PDCD10: variants seen among roughly 807,000 people sequenced by gnomAD.
PDCD10 encodes the protein programmed cell death 10.
Under a neutral mutation model 29.2 loss-of-function variants are expected in PDCD10, and 4 were observed. That is an observed-to-expected ratio of 0.14 (90% CI 0.07 to 0.31). PDCD10 has a LOEUF of 0.31. PDCD10 is among the 10% of genes least tolerant of loss of function. The probability of loss-of-function intolerance (pLI) is 1.00; values close to 1 mark genes in which losing one functional copy is unlikely to be tolerated. For synonymous variants in PDCD10, 70 were observed against 82.2 expected (o/e 0.85, Z 0.80); for missense variants, 183 against 257.9 (o/e 0.71, Z 1.99).
At chr3:167,697,591 AC>A (rs1720943201) in intron 4 of PDCD10, among the ~76,000 whole-genome samples, 1 of 152,184 alleles carries the variant, frequency 6.6e-6, no homozygotes, top group South Asian at 2.1e-4. Context: ...GCCAGGAAAA[AC>A]AAAAAAGGAT....
chr3:167,730,816 A>C (rs772665354), intron 2 of PDCD10: 8 of 152,216 alleles, frequency 5.3e-5, no homozygotes, highest in Non-Finnish European at 4.4e-5. Flanking sequence ...TTAAGTCTCC[A>C]GCTATAAAGC....
At chr3:167,714,748 C>T (rs2108467876) in intron 3 of PDCD10, among the ~76,000 whole-genome samples, 2 of 151,666 alleles carry the variant, frequency 1.3e-5, no homozygotes, top group East Asian at 3.9e-4. Context: ...AACTAAAAGA[C>T]CTTTACAATG....
At chr3:167,717,413 C>T (rs950836302) in intron 3 of PDCD10, among the ~76,000 whole-genome samples, 41 of 151,724 alleles carry the variant, frequency 2.7e-4, no homozygotes, top group African/African-American at 7.9e-4. Context: ...CAGAGTAAAA[C>T]GGTCATCCTT....
At chr3:167,728,320 GC>G (rs1724433575) in intron 2 of PDCD10, among the ~76,000 whole-genome samples, 1 of 152,026 alleles carries the variant, frequency 6.6e-6, no homozygotes, top group Admixed American at 6.6e-5. Flanking sequence ...GGGTGCAGTT[GC>G]TGTCTAGAGG....
chr3:167,732,331 C>G (rs1724904612), intron 2 of PDCD10, among the ~76,000 whole-genome samples: 1 of 152,088 alleles, frequency 6.6e-6, no homozygotes, highest in Non-Finnish European at 1.5e-5. Flanking sequence ...TTAAGAGAAA[C>G]AGACAGATGT....
At position 167,687,826 on chromosome 3, in the gene PDCD10, G is replaced by A. The variant is rs73173064; in HGVS notation, c.396-133C>T. ...CAGTACACTCTTAATTATGTTAAGC[G>A]CAATCACTTCAAGAACAGCCAGCCT... On this transcript the variant is annotated intron_variant, in intron 6 of 8. Coordinates refer to ENST00000392750, the MANE Select transcript of PDCD10 (RefSeq NM_007217.4). 3,237 of 657,836 alleles carry A rather than the reference G, an allele frequency of 4.9e-3. 13 individuals carry two copies. Among genetic ancestry groups the A allele is most frequent in the Non-Finnish European group, 6.8e-3 (2,498 of 365,168 alleles). 40.7% of individuals were successfully genotyped at this position (657,836 alleles called of 1,614,324 possible). A position where few individuals can be genotyped will look rare whatever the true frequency, so the allele number is the denominator to read the frequency against.
At position 167,698,795 on chromosome 3, in the gene PDCD10, A is replaced by G. The variant is rs192983387; in HGVS notation, c.151-1669T>C. On this transcript the variant is annotated intron_variant, in intron 4 of 8. Transcript: ENST00000392750. ...GAAAAAGAAAAGCATATCTCTGATT[A>G]AGTTATAATAAAGTACTGAAAGGTT... is the stretch of plus-strand genomic sequence containing the variant. 1.6e-3 allele frequency among the ~76,000 whole-genome samples: 240 copies of G among 152,312 alleles called. 8 individuals are homozygous for G. The highest frequency in any genetic ancestry group is 1.6e-3 in the Non-Finnish European group (110 of 68,032).
chr3:167,684,134 G>A lies in PDCD10; in HGVS notation c.*174C>T, dbSNP rs886058159. ...TGCAAAATCTTCAGTGTGAGATTATGATTAAGCTACATTTTACAAAAATAT... is the reference window on the plus strand; with the variant it reads ...TGCAAAATCTTCAGTGTGAGATTATAATTAAGCTACATTTTACAAAAATAT... On this transcript the variant is annotated 3_prime_UTR_variant, in exon 9 of 9. Coordinates refer to ENST00000392750, the MANE Select transcript of PDCD10 (RefSeq NM_007217.4). 9.1e-6 allele frequency: 5 copies of A among 552,448 alleles called. No homozygotes were observed. The highest frequency in any genetic ancestry group is 1.3e-5 in the Non-Finnish European group (4 of 304,106). The allele number at this position is 552,448 out of a possible 1,614,324, so 34.2% of individuals were successfully genotyped here.
intron 3 of PDCD10, among the ~76,000 whole-genome samples, chr3:167,719,418 A>G (rs1055304137): frequency 5.9e-5 from 9 of 152,130 alleles, no homozygotes; most frequent in African/African-American, 2.2e-4. Flanking sequence ...AGAAAATTTC[A>G]GTTCCAGAAT....
chr3:167,694,371 C>T, intron 6 of PDCD10: 1 of 190,698 alleles, frequency 5.2e-6, no homozygotes, highest in Non-Finnish European at 1.1e-5. Flanking sequence ...TTCTTTCTCT[C>T]CTGCTTCAGA....
At chr3:167,696,210 T>C (rs1577330735) in intron 5 of PDCD10, among the ~76,000 whole-genome samples, 1 of 152,176 alleles carries the variant, frequency 6.6e-6, no homozygotes. Flanking sequence ...TAAAATCTTC[T>C]ACACATTTTT....
intron 2 of PDCD10, chr3:167,725,263 G>GAAAAAAAAA (rs57762503): frequency 6.6e-5 from 2 of 30,200 alleles, no homozygotes; most frequent in Non-Finnish European, 7.7e-5. Context: ...TCTCAAAAAA[G>GAAAAAAAAA]AAAAAAAAAA....
chr3:167,731,441 T>G (rs1724804642), intron 2 of PDCD10, among the ~76,000 whole-genome samples: 1 of 152,208 alleles, frequency 6.6e-6, no homozygotes. Context: ...ATATTAAAAT[T>G]CTGTCAATGA....
chr3:167,684,384 A>G lies in PDCD10; in HGVS notation c.563T>C (p.Ile188Thr). 6.3e-7 allele frequency: 1 copy of G among 1,586,654 alleles called. No homozygotes were observed. Among genetic ancestry groups the G allele is most frequent in the Non-Finnish European group, 8.7e-7 (1 of 1,155,532 alleles). Residue 188 changes from isoleucine to threonine, a missense_variant, in exon 9 of 9, where the codon ATA (isoleucine) becomes ACA (threonine). Transcript: ENST00000392750. ...TCGGTTGGCACTTACGAACACATTT[A>G]TTGCCCTGTTTAAAAAGAAAAGAAT... ...LKTYFKDGKAINVFVSANRLI... is the reference protein window; with the variant it reads ...LKTYFKDGKATNVFVSANRLI...
chr3:167,722,722 T>G (rs923789612), intron 2 of PDCD10, among the ~76,000 whole-genome samples: 1 of 152,108 alleles, frequency 6.6e-6, no homozygotes, highest in Non-Finnish European at 1.5e-5. Flanking sequence ...TTTGAACACA[T>G]ACGCATATAA....
intron 2 of PDCD10, among the ~76,000 whole-genome samples, chr3:167,722,451 C>T (rs896100707): frequency 3.9e-5 from 6 of 152,136 alleles, no homozygotes; most frequent in Non-Finnish European, 8.8e-5. Flanking sequence ...AAACCAGCAT[C>T]ACGAAACAAG....
At chr3:167,699,396 C>T (rs781606107) in intron 4 of PDCD10, among the ~76,000 whole-genome samples, 2 of 152,114 alleles carry the variant, frequency 1.3e-5, no homozygotes, top group Non-Finnish European at 1.5e-5. Flanking sequence ...TTCGTGGCAC[C>T]CCTCTGAATT....
At chr3:167,709,172 C>T (rs1722287233) in intron 3 of PDCD10, among the ~76,000 whole-genome samples, 3 of 151,742 alleles carry the variant, frequency 2.0e-5, no homozygotes, top group Admixed American at 6.6e-5. Flanking sequence ...AGAGGGGAGG[C>T]GAAGCAAGAT....
chr3:167,729,162 A>G (rs1251998805), intron 2 of PDCD10, among the ~76,000 whole-genome samples: 1 of 152,100 alleles, frequency 6.6e-6, no homozygotes, highest in African/African-American at 2.4e-5. Flanking sequence ...TTGTATTATA[A>G]TATACATATT....
Sources: gnomAD v4.1 joint callset for allele counts (sites outside exome capture counted in the v4.1 genomes callset) on GRCh38, gnomAD v4.1.1 for gene constraint, MANE v1.5 for transcripts, NCBI Gene and HGNC (gene_info 2026-07-23, HGNC 2026-07-21) for gene names.